Variants in PTPRG observed in about 807,000 individuals in gnomAD.
The protein encoded by PTPRG is receptor-type tyrosine-protein phosphatase gamma.
Under a neutral mutation model 165.3 loss-of-function variants are expected in PTPRG, and 102 were observed. The observed-to-expected ratio is 0.62, with a 90% CI of 0.53 to 0.73. The LOEUF is 0.73. PTPRG is among the 30% of genes least tolerant of loss of function. The pLI is 0.00. For missense variants in PTPRG, 1,866 were observed against 1,861.4 expected, an observed-to-expected ratio of 1.00 and a Z score of -0.05; for synonymous variants, 675 against 669.5, an observed-to-expected ratio of 1.01 and a Z score of -0.13.
intron 2 of PTPRG, among the ~76,000 whole-genome samples, chr3:61,904,557 T>A (rs748449393): frequency 5.3e-5 from 8 of 152,148 alleles, no homozygotes; most frequent in Non-Finnish European, 1.0e-4. Flanking sequence ...TTTAAAACCT[T>A]CCTGGCAGAT....
intron 5 of PTPRG, among the ~76,000 whole-genome samples, chr3:62,104,636 C>G (rs373956710): frequency 1.2e-4 from 18 of 152,160 alleles, no homozygotes; most frequent in African/African-American, 4.3e-4. Context: ...TGTGTTTACG[C>G]CAGTTGAGGA....
chr3:62,267,853 C>G (rs1471630414), intron 19 of PTPRG, 34 bp downstream of exon 19: 2 of 1,599,694 alleles, frequency 1.3e-6, no homozygotes, highest in Non-Finnish European at 1.7e-6. Context: ...CTTAATAATG[C>G]ACCTTCATTC....
intron 2 of PTPRG, among the ~76,000 whole-genome samples, chr3:61,930,092 A>C (rs1271554525): frequency 6.6e-6 from 1 of 151,344 alleles, no homozygotes; most frequent in African/African-American, 2.4e-5. Flanking sequence ...AAATTCTCTA[A>C]GATCTGGTTG....
chr3:61,888,070 C>T (rs1575755252), intron 2 of PTPRG, among the ~76,000 whole-genome samples: 1 of 152,200 alleles, frequency 6.6e-6, no homozygotes. Flanking sequence ...TCACGTCTTC[C>T]TCTATACTGT....
intron 5 of PTPRG, among the ~76,000 whole-genome samples, chr3:62,080,479 T>C (rs1701534201): frequency 1.3e-5 from 2 of 152,164 alleles, no homozygotes; most frequent in Non-Finnish European, 1.5e-5. Flanking sequence ...CCTGGTTTTC[T>C]GTCATCGTTC....
At chr3:61,562,930 C>T (rs1343224744) in intron 1 of PTPRG, among the ~76,000 whole-genome samples, 3 of 151,832 alleles carry the variant, frequency 2.0e-5, no homozygotes, top group Non-Finnish European at 2.9e-5. Context: ...AGCCTGCGTT[C>T]TGGGTCGGGG....
intron 2 of PTPRG, among the ~76,000 whole-genome samples, chr3:61,860,434 C>CTTT (rs766688465): frequency 0.021 from 1,974 of 95,284 alleles, 10 homozygotes; most frequent in Non-Finnish European, 0.024. Context: ...GTTTTTGTTC[C>CTTT]TTTTTTTTTT....
chr3:62,107,654 A>G (rs1559514077), intron 5 of PTPRG, among the ~76,000 whole-genome samples: 3 of 152,230 alleles, frequency 2.0e-5, no homozygotes, highest in South Asian at 2.1e-4. Context: ...TACAAAACAC[A>G]TATTTTGGTG....
chr3:61,911,460 G>A (rs146785175), intron 2 of PTPRG, among the ~76,000 whole-genome samples: 51 of 152,222 alleles, frequency 3.4e-4, no homozygotes, highest in African/African-American at 9.9e-4. Flanking sequence ...TTTTGATTCT[G>A]CTTTTCACAT....
chr3:62,081,382 G>T (rs1260022161), intron 5 of PTPRG, among the ~76,000 whole-genome samples: 1 of 152,010 alleles, frequency 6.6e-6, no homozygotes, highest in East Asian at 1.9e-4. Context: ...TCTCCCTGTT[G>T]CCCAGGCGGA....
intron 4 of PTPRG, among the ~76,000 whole-genome samples, chr3:62,021,605 C>CA (rs1220647945): frequency 1.3e-5 from 2 of 152,176 alleles, no homozygotes; most frequent in African/African-American, 4.8e-5. Flanking sequence ...TGTTTCATCT[C>CA]AAAGTGGAAG....
chr3:62,113,225 T>C (rs530256718), intron 5 of PTPRG, among the ~76,000 whole-genome samples: 2 of 152,208 alleles, frequency 1.3e-5, no homozygotes, highest in South Asian at 4.2e-4. Context: ...AGATTAAAGA[T>C]TAGCTGTGTG....
intron 2 of PTPRG, among the ~76,000 whole-genome samples, chr3:61,820,932 T>A (rs2035936672): frequency 6.6e-6 from 1 of 152,070 alleles, no homozygotes; most frequent in Admixed American, 6.6e-5. Flanking sequence ...CTGTGAACAT[T>A]TATGGATTTT....
intron 6 of PTPRG, among the ~76,000 whole-genome samples, chr3:62,145,542 T>A (rs966447715): frequency 7.7e-6 from 1 of 130,214 alleles, no homozygotes; most frequent in Non-Finnish European, 1.5e-5. Flanking sequence ...ATGATGAAGA[T>A]GATGATGATG....
chr3:62,258,388 G>T (rs1252432931), intron 16 of PTPRG, among the ~76,000 whole-genome samples: 1 of 152,166 alleles, frequency 6.6e-6, no homozygotes, highest in South Asian at 2.1e-4. Context: ...ATCTGGTACT[G>T]GGGGAGGCCA....
At chr3:61,717,479 A>AC (rs2031857915) in intron 1 of PTPRG, among the ~76,000 whole-genome samples, 1 of 152,174 alleles carries the variant, frequency 6.6e-6, no homozygotes, top group Non-Finnish European at 1.5e-5. Context: ...GAGAACTAGT[A>AC]GGTGTTACTA....
chr3:61,601,009 C>G (rs534072024), intron 1 of PTPRG, among the ~76,000 whole-genome samples: 1 of 152,354 alleles, frequency 6.6e-6, no homozygotes, highest in South Asian at 2.1e-4. Flanking sequence ...GACCCCAGCA[C>G]TCTGGGAGGT....
chr3:62,181,399 C>T (rs1487121485), intron 8 of PTPRG, among the ~76,000 whole-genome samples: 2 of 151,642 alleles, frequency 1.3e-5, no homozygotes, highest in African/African-American at 4.8e-5. Context: ...CATCACAGGG[C>T]CTTTGTACAC....
chr3:61,795,501 A>G (rs759031654), intron 2 of PTPRG, among the ~76,000 whole-genome samples: 1 of 151,844 alleles, frequency 6.6e-6, no homozygotes, highest in Non-Finnish European at 1.5e-5. Flanking sequence ...TTAGCCGGGC[A>G]TGGTGGTAGG....
Sources: gnomAD v4.1 joint callset for allele counts (sites outside exome capture counted in the v4.1 genomes callset) on GRCh38, gnomAD v4.1.1 for gene constraint, MANE v1.5 for transcripts, NCBI Gene and HGNC (gene_info 2026-07-23, HGNC 2026-07-21) for gene names.